Variants in NEGR1 observed in about 807,000 individuals in gnomAD.
The protein encoded by NEGR1 is IgLON family member 4.
In NEGR1, 10 loss-of-function variants were observed where a neutral mutation model predicts 40.9. The ratio of observed to expected loss-of-function variants is 0.24; its 90% CI spans 0.15 to 0.42. The LOEUF is 0.42. Ranked by LOEUF, NEGR1 falls within the 10% of genes least tolerant of loss-of-function variation. The pLI is 1.00. For missense variants in NEGR1, 352 were observed against 438.9 expected (o/e 0.80, Z 1.77); for synonymous variants, 185 against 166.8 (o/e 1.11, Z -0.84).
intron 1 of NEGR1, among the ~76,000 whole-genome samples, chr1:72,211,971 G>A (rs74088183): frequency 0.044 from 6,719 of 151,740 alleles, 528 homozygotes; most frequent in African/African-American, 0.15. Flanking sequence ...ACCAGATTTT[G>A]GAAAATGTTT....
chr1:71,730,190 T>A (rs987691534), intron 3 of NEGR1, among the ~76,000 whole-genome samples: 12 of 152,168 alleles, frequency 7.9e-5, no homozygotes, highest in African/African-American at 2.6e-4. Flanking sequence ...CATGTACAAG[T>A]TTTTTGGAGA....
chr1:71,662,684 C>T (rs1223085148), intron 4 of NEGR1, among the ~76,000 whole-genome samples: 1 of 150,870 alleles, frequency 6.6e-6, no homozygotes, highest in African/African-American at 2.4e-5. Flanking sequence ...TATATACAAT[C>T]AAGAATATAT....
At chr1:71,686,549 TG>T (rs1322899567) in intron 4 of NEGR1, among the ~76,000 whole-genome samples, 2 of 152,168 alleles carry the variant, frequency 1.3e-5, no homozygotes, top group Non-Finnish European at 2.9e-5. Context: ...TTATAGGCCT[TG>T]CCTGGAAGTG....
At chr1:71,503,397 C>T (rs774424506) in intron 6 of NEGR1, among the ~76,000 whole-genome samples, 16 of 152,052 alleles carry the variant, frequency 1.1e-4, no homozygotes, top group Non-Finnish European at 8.8e-5. Flanking sequence ...CCTGAGACCC[C>T]CTACAATGCT....
At chr1:71,568,497 G>A (rs1442768701) in intron 6 of NEGR1, among the ~76,000 whole-genome samples, 1 of 152,088 alleles carries the variant, frequency 6.6e-6, no homozygotes, top group African/African-American at 2.4e-5. Flanking sequence ...CAGAAAATAA[G>A]AAATTTGTTC....
intron 1 of NEGR1, among the ~76,000 whole-genome samples, chr1:72,102,943 T>A (rs892785703): frequency 6.6e-6 from 1 of 152,100 alleles, no homozygotes; most frequent in African/African-American, 2.4e-5. Context: ...CAATTGCTTT[T>A]GATCAAAACA....
chr1:72,086,142 T>A (rs1480295977), intron 1 of NEGR1, among the ~76,000 whole-genome samples: 1 of 152,156 alleles, frequency 6.6e-6, no homozygotes, highest in African/African-American at 2.4e-5. Context: ...AACCATATGA[T>A]ATTTATAGCA....
chr1:71,695,897 TAA>T (rs1172366148), intron 4 of NEGR1, among the ~76,000 whole-genome samples: 1 of 151,738 alleles, frequency 6.6e-6, no homozygotes, highest in South Asian at 2.1e-4. Flanking sequence ...ATATTTTTTT[TAA>T]AAAGAGTTTT....
intron 2 of NEGR1, among the ~76,000 whole-genome samples, chr1:71,806,980 C>G (rs1028955096): frequency 6.6e-6 from 1 of 151,196 alleles, no homozygotes; most frequent in South Asian, 2.1e-4. Flanking sequence ...GCAAGCTCCA[C>G]CTTCCGGGTT....
At chr1:71,445,030 C>G (rs921139854) in intron 6 of NEGR1, among the ~76,000 whole-genome samples, 1 of 152,122 alleles carries the variant, frequency 6.6e-6, no homozygotes, top group Non-Finnish European at 1.5e-5. Context: ...TAATAACACA[C>G]AAACATGCAT....
chr1:71,552,504 CTATA>C (rs1214708970), intron 6 of NEGR1, among the ~76,000 whole-genome samples: 1 of 147,042 alleles, frequency 6.8e-6, no homozygotes, highest in African/African-American at 2.5e-5. Context: ...AGAATATATT[CTATA>C]TATATAGAGA....
chr1:72,006,390 A>G (rs542804546), intron 1 of NEGR1, among the ~76,000 whole-genome samples: 2 of 152,296 alleles, frequency 1.3e-5, no homozygotes, highest in African/African-American at 4.8e-5. Context: ...AAATGGCTAT[A>G]ATCATAATTC....
chr1:71,954,532 A>G (rs1051030786), intron 1 of NEGR1, among the ~76,000 whole-genome samples: 1 of 151,952 alleles, frequency 6.6e-6, no homozygotes, highest in African/African-American at 2.4e-5. Context: ...CCATTCATAT[A>G]CCTGAAAAAA....
chr1:71,546,955 G>T (rs1380747970), intron 6 of NEGR1, among the ~76,000 whole-genome samples: 1 of 151,634 alleles, frequency 6.6e-6, no homozygotes, highest in Non-Finnish European at 1.5e-5. Flanking sequence ...CAATCAGGCC[G>T]CAAATTTAGA....
chr1:71,561,355 C>A (rs1269050845), intron 6 of NEGR1, among the ~76,000 whole-genome samples: 1 of 151,680 alleles, frequency 6.6e-6, no homozygotes, highest in African/African-American at 2.4e-5. Context: ...ATAGGGCCTA[C>A]TTTTCCTCTA....
chr1:71,923,091 T>C (rs538559287), intron 2 of NEGR1, among the ~76,000 whole-genome samples: 1 of 152,278 alleles, frequency 6.6e-6, no homozygotes, highest in African/African-American at 2.4e-5. Context: ...CTATCATCCA[T>C]TAAATATTTA....
At chr1:71,890,220 T>A (rs1345579148) in intron 2 of NEGR1, among the ~76,000 whole-genome samples, 2 of 79,790 alleles carry the variant, frequency 2.5e-5, no homozygotes, top group African/African-American at 1.1e-4. Flanking sequence ...CATAACAATA[T>A]TAACTTTAAA....
chr1:71,979,260 A>T (rs1646334368), intron 1 of NEGR1, among the ~76,000 whole-genome samples: 1 of 152,126 alleles, frequency 6.6e-6, no homozygotes, highest in African/African-American at 2.4e-5. Flanking sequence ...ATTGCGTACT[A>T]GGCTTAGTAC....
At chr1:71,534,054 G>T (rs1173217089) in intron 6 of NEGR1, among the ~76,000 whole-genome samples, 1 of 151,660 alleles carries the variant, frequency 6.6e-6, no homozygotes, top group Non-Finnish European at 1.5e-5. Flanking sequence ...TAAAAGCAAA[G>T]ATTCTTATGT....
Sources: gnomAD v4.1 joint callset for allele counts (sites outside exome capture counted in the v4.1 genomes callset) on GRCh38, gnomAD v4.1.1 for gene constraint, MANE v1.5 for transcripts, NCBI Gene and HGNC (gene_info 2026-07-23, HGNC 2026-07-21) for gene names.